The following RAPGEF2 variants were observed in gnomAD, a reference collection of about 807,000 sequenced individuals.
RAPGEF2 encodes the protein PDZ domain containing guanine nucleotide exchange factor (GEF) 1.
In RAPGEF2, 54 loss-of-function variants were observed where a neutral mutation model predicts 186.7. The observed-to-expected ratio is 0.29, with a 90% CI of 0.23 to 0.36. The LOEUF is 0.36. Among genes scored for constraint, RAPGEF2 ranks in the 10% least tolerant of loss-of-function variants. The pLI is 1.00. For synonymous variants in RAPGEF2, 712 were observed against 705.9 expected, an observed-to-expected ratio of 1.01 and a Z score of -0.14; for missense variants, 1,532 against 2,045.0, an observed-to-expected ratio of 0.75 and a Z score of 4.84.
rs891572477 is a variant in RAPGEF2, at chr4:159,304,195, A to T, written c.544-147A>T. 4 of 706,226 alleles carry T rather than the reference A, an allele frequency of 5.7e-6. No individual in the cohort carries two copies. In the African/African-American group the frequency reaches 7.4e-5, roughly 13 times the overall value. 43.7% of individuals were successfully genotyped at this position (706,226 alleles called of 1,614,324 possible). ...TTATATGTGATTTTGGGTAAATAAG[A>T]CAATATTTAGTAATTTGTGAATGTG... On this transcript the variant is annotated intron_variant, in intron 7 of 29. Transcript: ENST00000691494.
chr4:159,226,950 G>A (rs145095478), intron 4 of RAPGEF2, among the ~76,000 whole-genome samples: 154 of 152,242 alleles, frequency 1.0e-3, no homozygotes, highest in African/African-American at 3.5e-3. Context: ...ATATGTGTAC[G>A]AGTTTATGCT....
chr4:159,273,366 A>G (rs535367259), intron 7 of RAPGEF2, among the ~76,000 whole-genome samples: 68 of 152,292 alleles, frequency 4.5e-4, no homozygotes, highest in African/African-American at 1.2e-3. Context: ...GACATTGCAT[A>G]CTCTGCTTAT....
Position 159,358,283 on chromosome 4 carries a change from T to TCTTCTCCC in RAPGEF2, c.*150_*157dup. ...CCTGCCTTAAAAGCAGCATGGGGCT[T>TCTTCTCCC]CTTCTCCCCTTCTTCCTTTCCCCTT... On this transcript the variant is annotated 3_prime_UTR_variant, in exon 30 of 30. Coordinates refer to ENST00000691494, the MANE Select transcript of RAPGEF2 (RefSeq NM_001394067.2). The TCTTCTCCC allele has an allele frequency of 1.4e-6, 1 of 695,122 alleles. No homozygotes were observed. Among genetic ancestry groups the TCTTCTCCC allele is most frequent in the Non-Finnish European group, 2.4e-6 (1 of 414,400 alleles). The allele number at this position is 695,122 out of a possible 1,614,324, so 43.1% of individuals were successfully genotyped here. A position where few individuals can be genotyped will look rare whatever the true frequency, so the allele number is the denominator to read the frequency against.
chr4:159,189,934 T>A (rs907091393), intron 2 of RAPGEF2, among the ~76,000 whole-genome samples: 1 of 152,226 alleles, frequency 6.6e-6, no homozygotes, highest in African/African-American at 2.4e-5. Flanking sequence ...GAACTGAGGT[T>A]CCTAGTGGAG....
At chr4:159,303,496 ATG>A (rs1762924033) in intron 7 of RAPGEF2, among the ~76,000 whole-genome samples, 2 of 152,132 alleles carry the variant, frequency 1.3e-5, no homozygotes, top group Non-Finnish European at 2.9e-5. Context: ...GACAAATATA[ATG>A]TCTTTTTTTA....
intron 1 of RAPGEF2, among the ~76,000 whole-genome samples, chr4:159,185,974 G>A (rs1199432397): frequency 6.6e-6 from 1 of 151,976 alleles, no homozygotes; most frequent in Non-Finnish European, 1.5e-5. Context: ...CTAGATATTA[G>A]AGTCTTAAAA....
chr4:159,252,114 C>A (rs1755516140), intron 7 of RAPGEF2, among the ~76,000 whole-genome samples: 1 of 152,136 alleles, frequency 6.6e-6, no homozygotes, highest in African/African-American at 2.4e-5. Flanking sequence ...GTCAGCCAGA[C>A]CAAGAACCCA....
At chr4:159,338,248 A>T in intron 17 of RAPGEF2, 63 bp from the exon 18 acceptor site, 2 of 1,453,752 alleles carry the variant, frequency 1.4e-6, no homozygotes, top group Non-Finnish European at 1.9e-6. Flanking sequence ...TGTGTTTATT[A>T]TATAGTGATG....
intron 1 of RAPGEF2, among the ~76,000 whole-genome samples, chr4:159,137,044 T>G (rs1561001054): frequency 6.6e-6 from 1 of 151,798 alleles, no homozygotes; most frequent in African/African-American, 2.4e-5. Flanking sequence ...ACAGAAAAGG[T>G]GGGGGGGTTG....
At chr4:159,109,078 T>C (rs1375172724) in intron 1 of RAPGEF2, among the ~76,000 whole-genome samples, 1 of 152,160 alleles carries the variant, frequency 6.6e-6, no homozygotes, top group African/African-American at 2.4e-5. Flanking sequence ...GCCTCAGATA[T>C]AAATGGACTA....
intron 1 of RAPGEF2, among the ~76,000 whole-genome samples, chr4:159,167,475 C>T (rs1745450762): frequency 6.6e-6 from 1 of 152,172 alleles, no homozygotes. Context: ...CCTGGGAGTA[C>T]CTAACATGGA....
At chr4:159,344,695 T>C (rs1730043494) in intron 23 of RAPGEF2, among the ~76,000 whole-genome samples, 1 of 152,210 alleles carries the variant, frequency 6.6e-6, no homozygotes, top group East Asian at 1.9e-4. Context: ...TTGAACATTG[T>C]AGCTAATTTT....
At chr4:159,275,866 A>G (rs1467029074) in intron 7 of RAPGEF2, among the ~76,000 whole-genome samples, 3 of 152,144 alleles carry the variant, frequency 2.0e-5, no homozygotes, top group African/African-American at 7.2e-5. Context: ...AGGGAAAAAA[A>G]AACGGGTAAC....
At chr4:159,260,145 G>A (rs117261259) in intron 7 of RAPGEF2, among the ~76,000 whole-genome samples, 2,138 of 152,046 alleles carry the variant, frequency 0.014, 20 homozygotes, top group Middle Eastern at 0.068. Flanking sequence ...GCACCACAAC[G>A]ACTGGCTAAT....
chr4:159,197,795 C>T (rs1748812707), intron 3 of RAPGEF2, among the ~76,000 whole-genome samples: 1 of 152,190 alleles, frequency 6.6e-6, no homozygotes, highest in African/African-American at 2.4e-5. Context: ...CTTTCTCCCA[C>T]ACCTCCTCTA....
intron 1 of RAPGEF2, among the ~76,000 whole-genome samples, chr4:159,163,608 G>C (rs896506230): frequency 3.3e-5 from 5 of 152,130 alleles, no homozygotes; most frequent in African/African-American, 1.2e-4. Context: ...TGAATACAGT[G>C]GAACTGTCTA....
At chr4:159,188,412 C>T (rs975349214) in intron 2 of RAPGEF2, among the ~76,000 whole-genome samples, 3 of 151,742 alleles carry the variant, frequency 2.0e-5, no homozygotes, top group African/African-American at 7.3e-5. Context: ...GCCTGTAATC[C>T]CAGCTCTTTG....
intron 4 of RAPGEF2, among the ~76,000 whole-genome samples, chr4:159,235,114 C>T (rs1753096888): frequency 1.3e-5 from 2 of 152,268 alleles, no homozygotes; most frequent in South Asian, 4.1e-4. Flanking sequence ...CCTTTGGATT[C>T]CCTGAATTTT....
chr4:159,257,968 G>T (rs1190534486), intron 7 of RAPGEF2, among the ~76,000 whole-genome samples: 1 of 152,166 alleles, frequency 6.6e-6, no homozygotes, highest in Non-Finnish European at 1.5e-5. Flanking sequence ...GGGGTCAGTT[G>T]TAGAATTAAT....
Sources: gnomAD v4.1 joint callset for allele counts (sites outside exome capture counted in the v4.1 genomes callset) on GRCh38, gnomAD v4.1.1 for gene constraint, MANE v1.5 for transcripts, NCBI Gene and HGNC (gene_info 2026-07-23, HGNC 2026-07-21) for gene names.